The following CEBPZ variants were observed in gnomAD, a reference collection of about 807,000 sequenced individuals.
CEBPZ encodes the protein CCAAT enhancer binding protein zeta.
A neutral mutation model predicts 104.5 loss-of-function variants in CEBPZ; 78 were observed. The ratio of observed to expected loss-of-function variants is 0.75; its 90% CI spans 0.62 to 0.90. The LOEUF (loss-of-function observed/expected upper bound fraction) is 0.90. Ranked by LOEUF, CEBPZ falls within the 40% of genes least tolerant of loss-of-function variation. CEBPZ has a pLI of 0.00. For synonymous variants in CEBPZ, 470 were observed against 427.0 expected, an observed-to-expected ratio of 1.10 and a Z score of -1.24; for missense variants, 1,439 against 1,233.5, an observed-to-expected ratio of 1.17 and a Z score of -2.50.
At chr2:37,208,869 T>C (rs771313599) in intron 13 of CEBPZ, 4 of 152,072 alleles carry the variant, frequency 2.6e-5, no homozygotes, top group Admixed American at 6.5e-5. Context: ...ACCGATGATA[T>C]GATAGCATAC....
intron 2 of CEBPZ, 95 bp downstream of exon 2, chr2:37,227,449 T>C (rs1664914681): frequency 7.4e-7 from 1 of 1,357,846 alleles, no homozygotes; most frequent in South Asian, 1.6e-5. Context: ...AACCAAATTT[T>C]CTAACTCTTT....
At chr2:37,231,121 A>G (rs552694268) in intron 1 of CEBPZ, among the ~76,000 whole-genome samples, 1 of 152,366 alleles carries the variant, frequency 6.6e-6, no homozygotes, top group African/African-American at 2.4e-5. Context: ...CAGGACCAAG[A>G]AAAGCCACTC....
At chr2:37,210,049 G>A (rs943570547) in intron 13 of CEBPZ, 1 of 152,128 alleles carries the variant, frequency 6.6e-6, no homozygotes, top group Non-Finnish European at 1.5e-5. Flanking sequence ...GATTATCAGG[G>A]AAATGCAAAT....
At chr2:37,209,231 A>C (rs1558469327) in intron 13 of CEBPZ, 1 of 152,162 alleles carries the variant, frequency 6.6e-6, no homozygotes. Flanking sequence ...AAAGCAATCT[A>C]TAAATTTAAT....
At chr2:37,214,385 CTAT>C (rs1677817571) in intron 9 of CEBPZ, among the ~76,000 whole-genome samples, 2 of 152,080 alleles carry the variant, frequency 1.3e-5, no homozygotes, top group Admixed American at 6.6e-5. Context: ...GGACTTATTT[CTAT>C]AACAGTGCAC....
chr2:37,212,167 A>C (rs1677741630), intron 11 of CEBPZ, 128 bp from the exon 12 acceptor site: 1 of 984,328 alleles, frequency 1.0e-6, no homozygotes, highest in Middle Eastern at 2.2e-4. Flanking sequence ...GCTCAGAGTA[A>C]ATAATAACGT....
At chr2:37,201,973 T>A in intron 15 of CEBPZ, 70 bp from the exon 16 acceptor site, 1 of 1,464,814 alleles carries the variant, frequency 6.8e-7, no homozygotes, top group Non-Finnish European at 9.3e-7. Flanking sequence ...CAGAACATGC[T>A]GCTGAGTCAC....
intron 4 of CEBPZ, among the ~76,000 whole-genome samples, chr2:37,222,095 C>T (rs1408300778): frequency 2.0e-5 from 3 of 151,970 alleles, no homozygotes; most frequent in Admixed American, 1.3e-4. Context: ...ACCAGCCTGG[C>T]GAACATGGTG....
chr2:37,228,265 G>A lies in CEBPZ; in HGVS notation c.928C>T (p.Arg310Cys), dbSNP rs770737201. 3.7e-6 allele frequency: 6 copies of A among 1,614,024 alleles called. No homozygotes were observed. Among genetic ancestry groups the A allele is most frequent in the South Asian group, 1.1e-5 (1 of 91,088 alleles). The change falls in exon 2 of 16, where the codon CGT (arginine) becomes TGT (cysteine). Residue 310 changes from arginine (R) to cysteine (C), a missense_variant. Transcript: ENST00000234170. ...DNRKLRIFSQ[R>C]PFDKLEQLSS... ...AACTGTTCCAGTTTGTCAAAAGGAC[G>A]CTGGCTGAAAATCCTCAGCTTCCGA... is the stretch of plus-strand genomic sequence containing the variant.
intron 2 of CEBPZ, among the ~76,000 whole-genome samples, chr2:37,225,008 A>G (rs1332547771): frequency 6.6e-6 from 1 of 152,034 alleles, no homozygotes; most frequent in Non-Finnish European, 1.5e-5. Flanking sequence ...ATGACCATCA[A>G]AAGTTCAAAA....
intron 2 of CEBPZ, among the ~76,000 whole-genome samples, chr2:37,227,082 G>T (rs1222343625): frequency 2.0e-5 from 3 of 152,174 alleles, no homozygotes; most frequent in African/African-American, 7.2e-5. Context: ...GCACCATACT[G>T]CAGGCACTCA....
intron 12 of CEBPZ, 48 bp from the exon 13 acceptor site, chr2:37,211,130 C>T: frequency 1.6e-6 from 2 of 1,258,446 alleles, no homozygotes; most frequent in East Asian, 2.3e-5. Flanking sequence ...AACAATAAGA[C>T]TGGAAAATAT....
At chr2:37,207,442 G>T (rs1211976614) in intron 13 of CEBPZ, among the ~76,000 whole-genome samples, 1 of 152,084 alleles carries the variant, frequency 6.6e-6, no homozygotes, top group East Asian at 1.9e-4. Flanking sequence ...AACTGAAATT[G>T]TATCAAGTAC....
rs1381223220 is a variant in CEBPZ at position 37,228,363 on chromosome 2, C to T, written c.830G>A (p.Gly277Asp). The T allele has an allele frequency of 1.4e-5, 22 of 1,614,042 alleles. No individual in the cohort carries two copies. Among genetic ancestry groups the T allele is most frequent in the Non-Finnish European group, 1.8e-5 (21 of 1,180,028 alleles). The change falls in exon 2 of 16, where the codon GGC becomes GAC. Residue 277 changes from glycine to aspartate, a missense_variant. Transcript: ENST00000234170. ...ETLVNLVKKK[G>D]SKQQCLMALD... ...GGCCATAAGGCACTGCTGTTTGCTG[C>T]CCTTCTTTTTAACAAGGTTCACAAG...
At chr2:37,219,845 A>G (rs1558474961) in intron 5 of CEBPZ, among the ~76,000 whole-genome samples, 1 of 152,106 alleles carries the variant, frequency 6.6e-6, no homozygotes, top group Non-Finnish European at 1.5e-5. Flanking sequence ...TCTACCTACA[A>G]AAAGCAACAG....
Position 37,227,648 on chromosome 2 carries a change from C to T in CEBPZ, c.1545G>A (p.Leu515=), listed in dbSNP as rs368211464. 4.3e-6 allele frequency: 7 copies of T among 1,614,146 alleles called. No homozygotes were observed. The highest frequency in any genetic ancestry group is 5.1e-6 in the Non-Finnish European group (6 of 1,180,006). The part of the protein sequence containing the change: ...REQIDTLFKV[L]HIVNFNTSVQ... ...CACTGGTATTAAAATTCACAATATG[C>T]AACACTTTAAACAGTGTGTCAATCT... is the stretch of plus-strand genomic sequence containing the variant. Residue 515 remains leucine, a synonymous_variant, in exon 2 of 16, where the codon TTG becomes TTA. Coordinates refer to ENST00000234170, the MANE Select transcript of CEBPZ (RefSeq NM_005760.3).
At chr2:37,205,866 A>G (rs977875011) in intron 13 of CEBPZ, among the ~76,000 whole-genome samples, 21 of 152,096 alleles carry the variant, frequency 1.4e-4, no homozygotes, top group Non-Finnish European at 1.5e-5. Context: ...TAAAAATGTT[A>G]AAAAACAATT....
intron 4 of CEBPZ, among the ~76,000 whole-genome samples, chr2:37,220,994 C>T (rs1664758265): frequency 6.6e-6 from 1 of 151,936 alleles, no homozygotes; most frequent in South Asian, 2.1e-4. Context: ...AAGACCCTGA[C>T]TCAAAAATAA....
intron 13 of CEBPZ, chr2:37,209,164 C>T (rs765997707): frequency 1.3e-5 from 2 of 151,868 alleles, no homozygotes; most frequent in African/African-American, 2.4e-5. Flanking sequence ...CAAATGGAAA[C>T]GCATCCCATG....
Sources: gnomAD v4.1 joint callset for allele counts (sites outside exome capture counted in the v4.1 genomes callset) on GRCh38, gnomAD v4.1.1 for gene constraint, MANE v1.5 for transcripts, NCBI Gene and HGNC (gene_info 2026-07-23, HGNC 2026-07-21) for gene names.